Variants in CTNNA3 observed in about 807,000 individuals in gnomAD.
CTNNA3 encodes the protein catenin alpha-3.
Under a neutral mutation model 95.7 loss-of-function variants are expected in CTNNA3, and 76 were observed. The ratio of observed to expected loss-of-function variants is 0.79; its 90% confidence interval spans 0.66 to 0.96. The LOEUF (loss-of-function observed/expected upper bound fraction) is 0.96. Among genes scored for constraint, CTNNA3 ranks in the 40% least tolerant of loss-of-function variants. The pLI, the probability that CTNNA3 is intolerant of heterozygous loss-of-function variation, is 0.00. For synonymous variants in CTNNA3, 431 were observed against 374.4 expected (o/e 1.15, Z -1.74); for missense variants, 1,191 against 1,089.8 (o/e 1.09, Z -1.31).
At chr10:67,272,894 A>C (rs1839041401) in intron 5 of CTNNA3, among the ~76,000 whole-genome samples, 1 of 152,158 alleles carries the variant, frequency 6.6e-6, no homozygotes, top group South Asian at 2.1e-4. Context: ...CCACTACTTG[A>C]TAAATAATTA....
At chr10:66,421,897 G>GATGTGTATATATATATATGTATATATAT in intron 11 of CTNNA3, among the ~76,000 whole-genome samples, 1 of 108,150 alleles carries the variant, frequency 9.2e-6, no homozygotes, top group Non-Finnish European at 1.9e-5. Flanking sequence ...TAATAAATGT[G>GATGTGTATATATATATATGTATATATAT]ATATATATAT....
chr10:67,026,546 G>A (rs908927748), intron 7 of CTNNA3, among the ~76,000 whole-genome samples: 6 of 152,084 alleles, frequency 3.9e-5, no homozygotes, highest in Non-Finnish European at 8.8e-5. Context: ...AGACATTCAA[G>A]AGGAACATGC....
At chr10:67,323,546 G>T (rs1475852937) in intron 5 of CTNNA3, among the ~76,000 whole-genome samples, 1 of 151,922 alleles carries the variant, frequency 6.6e-6, no homozygotes, top group African/African-American at 2.4e-5. Context: ...CTTATTTCTG[G>T]GTTCTCTATT....
intron 7 of CTNNA3, among the ~76,000 whole-genome samples, chr10:66,865,909 A>G (rs1369542412): frequency 6.6e-6 from 1 of 152,112 alleles, no homozygotes; most frequent in Non-Finnish European, 1.5e-5. Context: ...AATAAAATTT[A>G]CGTTTTGCTT....
At chr10:67,579,868 G>A (rs1284070082) in intron 3 of CTNNA3, among the ~76,000 whole-genome samples, 1 of 152,172 alleles carries the variant, frequency 6.6e-6, no homozygotes, top group Non-Finnish European at 1.5e-5. Flanking sequence ...AGAAGTGTCT[G>A]TTCATATCCT....
intron 12 of CTNNA3, among the ~76,000 whole-genome samples, chr10:66,343,124 T>G (rs1004957919): frequency 6.6e-6 from 1 of 152,004 alleles, no homozygotes; most frequent in Middle Eastern, 3.2e-3. Flanking sequence ...AAGCTGTTGG[T>G]GGGAACGTAA....
chr10:67,473,961 C>T (rs12260911), intron 5 of CTNNA3, among the ~76,000 whole-genome samples: 5,426 of 152,198 alleles, frequency 0.036, 111 homozygotes, highest in South Asian at 0.1. Context: ...CAACTTCTGA[C>T]TTTTTTTCCT....
intron 7 of CTNNA3, among the ~76,000 whole-genome samples, chr10:66,978,087 CACACAT>C (rs1191522767): frequency 4.0e-5 from 6 of 151,134 alleles, no homozygotes; most frequent in Non-Finnish European, 8.8e-5. Flanking sequence ...CACACACACA[CACACAT>C]GCGATGACGT....
intron 5 of CTNNA3, among the ~76,000 whole-genome samples, chr10:67,280,216 G>C (rs1839341514): frequency 6.7e-6 from 1 of 150,134 alleles, no homozygotes; most frequent in Admixed American, 6.6e-5. Context: ...TTTCCAAAAG[G>C]CACAGAATTG....
chr10:66,088,879 T>A (rs565310511), intron 14 of CTNNA3, among the ~76,000 whole-genome samples: 4 of 152,258 alleles, frequency 2.6e-5, no homozygotes, highest in African/African-American at 4.8e-5. Context: ...TACCTTGTAA[T>A]AGGGCCTATG....
intron 10 of CTNNA3, among the ~76,000 whole-genome samples, chr10:66,601,760 G>T (rs1258748983): frequency 6.6e-6 from 1 of 151,812 alleles, no homozygotes; most frequent in South Asian, 2.1e-4. Context: ...AATGACTATT[G>T]GTGTACATAT....
At chr10:67,389,119 T>C (rs1324651056) in intron 5 of CTNNA3, among the ~76,000 whole-genome samples, 5 of 151,538 alleles carry the variant, frequency 3.3e-5, no homozygotes, top group East Asian at 3.9e-4. Context: ...GACTGGCAAA[T>C]TGGATAAAGA....
intron 7 of CTNNA3, among the ~76,000 whole-genome samples, chr10:67,051,173 C>T (rs1438444240): frequency 6.6e-6 from 1 of 152,208 alleles, no homozygotes; most frequent in Non-Finnish European, 1.5e-5. Context: ...AATGAGATCT[C>T]ATTACCTGGG....
At chr10:66,821,842 A>G (rs570795834) in intron 7 of CTNNA3, among the ~76,000 whole-genome samples, 9 of 152,274 alleles carry the variant, frequency 5.9e-5, no homozygotes, top group Admixed American at 3.9e-4. Context: ...AGCACCTTCA[A>G]GACAGACACA....
chr10:67,020,523 T>A (rs1365510530), intron 7 of CTNNA3, among the ~76,000 whole-genome samples: 2 of 152,190 alleles, frequency 1.3e-5, no homozygotes. Context: ...TTCACAATAG[T>A]CTTAAGTTTA....
intron 1 of CTNNA3, among the ~76,000 whole-genome samples, chr10:67,749,338 T>G (rs1841392137): frequency 1.3e-5 from 2 of 152,080 alleles, no homozygotes; most frequent in Non-Finnish European, 2.9e-5. Flanking sequence ...GAACTCTCCA[T>G]CCAAAGAAAA....
intron 11 of CTNNA3, among the ~76,000 whole-genome samples, chr10:66,387,581 A>C (rs796219219): frequency 6.6e-6 from 1 of 152,172 alleles, no homozygotes; most frequent in South Asian, 2.1e-4. Context: ...TTGACCCAGC[A>C]ATCCCATTAC....
intron 15 of CTNNA3, among the ~76,000 whole-genome samples, chr10:66,050,710 T>C (rs2079934331): frequency 6.6e-6 from 1 of 152,296 alleles, no homozygotes; most frequent in African/African-American, 2.4e-5. Context: ...CATTCCATAT[T>C]CCTTCTCTGG....
At chr10:67,628,334 C>T (rs1258709591) in intron 2 of CTNNA3, among the ~76,000 whole-genome samples, 1 of 151,228 alleles carries the variant, frequency 6.6e-6, no homozygotes, top group African/African-American at 2.4e-5. Flanking sequence ...AACTAAGTCT[C>T]ATCTCTGTCA....
Sources: gnomAD v4.1 joint callset for allele counts (sites outside exome capture counted in the v4.1 genomes callset) on GRCh38, gnomAD v4.1.1 for gene constraint, MANE v1.5 for transcripts, NCBI Gene and HGNC (gene_info 2026-07-23, HGNC 2026-07-21) for gene names.